GRM5: variants seen among roughly 807,000 people sequenced by gnomAD.
GRM5 encodes the protein glutamate metabotropic receptor 5.
A neutral mutation model predicts 83.1 loss-of-function variants in GRM5; 19 were observed. That is an observed-to-expected ratio of 0.23 (90% CI 0.16 to 0.34). The LOEUF is 0.34. GRM5 is among the 10% of genes least tolerant of loss of function. The pLI is 1.00. For missense variants in GRM5, 1,160 were observed against 1,588.3 expected (o/e 0.73, Z 4.58); for synonymous variants, 675 against 633.6 (o/e 1.07, Z -0.98).
At chr11:88,802,236 C>T (rs544206713) in intron 3 of GRM5, among the ~76,000 whole-genome samples, 145 of 152,112 alleles carry the variant, frequency 9.5e-4, no homozygotes, top group Non-Finnish European at 1.9e-3. Context: ...AGATCCAGCT[C>T]AGCTCACAAA....
chr11:88,867,887 C>T (rs1057232886), intron 2 of GRM5, among the ~76,000 whole-genome samples: 10 of 151,830 alleles, frequency 6.6e-5, no homozygotes, highest in African/African-American at 2.4e-4. Flanking sequence ...GTTATAGTAT[C>T]TCAAGCTAAC....
At chr11:88,736,620 G>A (rs1565207612) in intron 3 of GRM5, among the ~76,000 whole-genome samples, 1 of 152,144 alleles carries the variant, frequency 6.6e-6, no homozygotes, top group East Asian at 1.9e-4. Flanking sequence ...GGGGCATGGG[G>A]TCCTGCTTTG....
Position 88,508,496 on chromosome 11 carries a change from TG to T in GRM5, c.*95del. ...AGGGGTGCCCTTGGCATCTTCCCCC[TG>T]GGCCGTAACCAGGCGACTATGCTTG... On this transcript the variant is annotated 3_prime_UTR_variant, in exon 10 of 10. Coordinates refer to ENST00000305447, the MANE Select transcript of GRM5 (RefSeq NM_001143831.3). The surrounding 1 kb of genome is among the most constrained non-coding windows in gnomAD (Gnocchi z 4.2). 1.0e-6 allele frequency: 1 copy of T among 969,992 alleles called. No homozygotes were observed. Among genetic ancestry groups the T allele is most frequent in the Non-Finnish European group, 1.5e-6 (1 of 649,976 alleles). The allele number at this position is 969,992 out of a possible 1,614,324, so 60.1% of individuals were successfully genotyped here.
chr11:88,750,172 A>G (rs1942237269), intron 3 of GRM5, among the ~76,000 whole-genome samples: 1 of 152,158 alleles, frequency 6.6e-6, no homozygotes, highest in Non-Finnish European at 1.5e-5. Flanking sequence ...GACCCATTGT[A>G]ATGCTGTCTT....
chr11:88,546,087 A>G (rs1199938863), intron 8 of GRM5, among the ~76,000 whole-genome samples: 1 of 151,810 alleles, frequency 6.6e-6, no homozygotes, highest in East Asian at 1.9e-4. Flanking sequence ...CTTGGGATAC[A>G]TACCTCCACC....
At chr11:88,602,952 A>G (rs1271220398) in intron 5 of GRM5, among the ~76,000 whole-genome samples, 1 of 152,142 alleles carries the variant, frequency 6.6e-6, no homozygotes, top group Non-Finnish European at 1.5e-5. Flanking sequence ...CCTTTTCCTG[A>G]GTCTGCTTCA....
At chr11:88,768,213 G>T (rs957299813) in intron 3 of GRM5, among the ~76,000 whole-genome samples, 3 of 151,904 alleles carry the variant, frequency 2.0e-5, no homozygotes, top group African/African-American at 7.3e-5. Context: ...ATGGATGGAC[G>T]GATGGATAAG....
At chr11:88,720,700 G>A (rs541521386) in intron 3 of GRM5, among the ~76,000 whole-genome samples, 43 of 152,044 alleles carry the variant, frequency 2.8e-4, no homozygotes, top group African/African-American at 4.6e-4. Flanking sequence ...ATTGGAGAGC[G>A]TCCTTCTGTC....
intron 2 of GRM5, among the ~76,000 whole-genome samples, chr11:88,970,628 A>C (rs1441942955): frequency 2.0e-5 from 3 of 152,224 alleles, no homozygotes; most frequent in Admixed American, 1.3e-4. Context: ...AGGCATGCCC[A>C]GTGGGGACAG....
At chr11:89,055,213 T>C (rs773015489) in intron 1 of GRM5, among the ~76,000 whole-genome samples, 14 of 152,214 alleles carry the variant, frequency 9.2e-5, no homozygotes, top group Admixed American at 2.0e-4. Flanking sequence ...ATGACCTGAA[T>C]TGGAATCCTG....
intron 3 of GRM5, among the ~76,000 whole-genome samples, chr11:88,827,388 A>G (rs1943910813): frequency 6.6e-6 from 1 of 152,074 alleles, no homozygotes; most frequent in South Asian, 2.1e-4. Flanking sequence ...AGATTTCTAG[A>G]CCTCATATTT....
At chr11:89,014,348 T>G (rs1336630955) in intron 2 of GRM5, among the ~76,000 whole-genome samples, 1 of 152,166 alleles carries the variant, frequency 6.6e-6, no homozygotes, top group Non-Finnish European at 1.5e-5. Flanking sequence ...GTGTTACTAC[T>G]CAACAGTGCC....
In GRM5 at chr11:88,578,207, C is replaced by T. The variant is rs139227812; in HGVS notation, c.1691-10215G>A. Among the ~76,000 whole-genome samples the T allele has an allele frequency of 7.1e-3, 1,078 of 152,078 alleles. 9 individuals carry two copies. Among genetic ancestry groups the T allele is most frequent in the African/African-American group, 0.025 (1,040 of 41,498 alleles). ...TAATGCTTTGAATTTTTCATCACCTCAATTAATGTGATTTTTTAAGAGGTG... is the reference window on the plus strand; with the variant it reads ...TAATGCTTTGAATTTTTCATCACCTTAATTAATGTGATTTTTTAAGAGGTG... On this transcript the variant is annotated intron_variant, in intron 7 of 9. Coordinates refer to ENST00000305447, the MANE Select transcript of GRM5 (RefSeq NM_001143831.3).
chr11:88,639,220 C>A (rs1245099720), intron 4 of GRM5, among the ~76,000 whole-genome samples: 5 of 152,126 alleles, frequency 3.3e-5, no homozygotes, highest in South Asian at 2.1e-4. Flanking sequence ...CCGGGTCATG[C>A]GTGTTTGATG....
At chr11:88,553,280 C>A (rs540456950) in intron 8 of GRM5, among the ~76,000 whole-genome samples, 1 of 152,278 alleles carries the variant, frequency 6.6e-6, no homozygotes, top group African/African-American at 2.4e-5. Context: ...TAGCTCTGTG[C>A]ATGGATGAGA....
chr11:88,996,766 A>G (rs1302050684), intron 2 of GRM5, among the ~76,000 whole-genome samples: 3 of 152,198 alleles, frequency 2.0e-5, no homozygotes, highest in Non-Finnish European at 4.4e-5. Context: ...AACCACAACA[A>G]ACTTGAAAGA....
intron 3 of GRM5, among the ~76,000 whole-genome samples, chr11:88,719,260 C>A (rs1231538010): frequency 1.3e-5 from 2 of 151,966 alleles, no homozygotes; most frequent in African/African-American, 4.8e-5. Flanking sequence ...TTGTTCCCTT[C>A]CCTGTGTCCC....
chr11:88,830,295 AAAAATATATTTAAATAAAATATATTT>A (rs975079747), intron 3 of GRM5, among the ~76,000 whole-genome samples: 3 of 151,456 alleles, frequency 2.0e-5, no homozygotes, highest in Non-Finnish European at 4.4e-5. Context: ...GCAATATAGT[AAAAATATATTTAAATAAAATATATTT>A]AAAATATATT....
chr11:89,016,835 A>G (rs138165861), intron 2 of GRM5, among the ~76,000 whole-genome samples: 5,286 of 152,224 alleles, frequency 0.035, 150 homozygotes, highest in East Asian at 0.1. Context: ...ATATTTTCCT[A>G]AAGTAAATAC....
Sources: gnomAD v4.1 joint callset for allele counts (sites outside exome capture counted in the v4.1 genomes callset) on GRCh38, gnomAD v4.1.1 for gene constraint, Gnocchi (gnomAD v3.1) non-coding constraint, MANE v1.5 for transcripts, NCBI Gene and HGNC (gene_info 2026-07-23, HGNC 2026-07-21) for gene names.